Variants in TMEM178B observed in about 807,000 individuals in gnomAD.
TMEM178B encodes transmembrane protein 178B.
TMEM178B carries 5 observed loss-of-function variants against 31.0 expected under a neutral mutation model. The observed-to-expected ratio is 0.16, with a 90% CI of 0.08 to 0.34. The LOEUF is 0.34. Ranked by LOEUF, TMEM178B falls within the 10% of genes least tolerant of loss-of-function variation. TMEM178B has a pLI of 1.00. For missense variants in TMEM178B, 275 were observed against 400.3 expected (o/e 0.69, Z 2.67); for synonymous variants, 164 against 164.0 (o/e 1.00, Z 0.00).
In TMEM178B at chr7:141,215,337, A is replaced by ATTATTTTTTTT. The variant is rs55726735; in HGVS notation, c.496+2635_496+2636insATTTTTTTTTT. 1.8e-3 allele frequency among the ~76,000 whole-genome samples: 259 copies of ATTATTTTTTTT among 141,542 alleles called. 2 individuals carry two copies. Among genetic ancestry groups the ATTATTTTTTTT allele is most frequent in the African/African-American group, 5.3e-3 (211 of 39,512 alleles). 92.9% of individuals were successfully genotyped at this position (141,542 alleles called of 152,430 possible). A position where few individuals can be genotyped will look rare whatever the true frequency, so the allele number is the denominator to read the frequency against. On this transcript the variant is annotated intron_variant, in intron 2 of 3. Coordinates refer to ENST00000565468, the MANE Select transcript of TMEM178B (RefSeq NM_001195278.2). Reference sequence around the variant, plus strand: ...CATCTTTATTATTATTATTATTATTATTTTTTGAGATGGAGTCTCACTCTG... The same window carrying ATTATTTTTTTT: ...CATCTTTATTATTATTATTATTATTATTATTTTTTTTTTTTTTGAGATGGAGTCTCACTCTG...
At chr7:141,268,718 T>C (rs1387618835) in intron 2 of TMEM178B, among the ~76,000 whole-genome samples, 1 of 152,228 alleles carries the variant, frequency 6.6e-6, no homozygotes, top group Non-Finnish European at 1.5e-5. Flanking sequence ...TAACAGGAGA[T>C]GGAACCTGGT....
chr7:141,252,425 G>A (rs748831709), intron 2 of TMEM178B, among the ~76,000 whole-genome samples: 19 of 152,168 alleles, frequency 1.2e-4, no homozygotes, highest in Non-Finnish European at 2.8e-4. Context: ...AAACGAGGGA[G>A]GCATGTGAAA....
At position 141,286,868 on chromosome 7, in the gene TMEM178B, G is replaced by A. The variant is rs191279918; in HGVS notation, c.496+74164G>A. Reference sequence around the variant, plus strand: ...CTTTTACAGTTCTGGGACTTTTAATGACATTTATTCAAATTTGAATTACAA... The same window carrying A: ...CTTTTACAGTTCTGGGACTTTTAATAACATTTATTCAAATTTGAATTACAA... On this transcript the variant is annotated intron_variant, in intron 2 of 3. Transcript: ENST00000565468. Among the ~76,000 whole-genome samples the A allele has an allele frequency of 2.0e-5, 3 of 152,296 alleles. No homozygotes were observed. The East Asian group carries it at 5.8e-4, about 29-fold the overall frequency.
intron 2 of TMEM178B, among the ~76,000 whole-genome samples, chr7:141,412,416 G>A (rs1339942937): frequency 6.6e-6 from 1 of 152,168 alleles, no homozygotes; most frequent in African/African-American, 2.4e-5. Flanking sequence ...GGTGATCTGG[G>A]CTTTAGAGTG....
At chr7:141,464,418 A>C (rs1422854005) in intron 3 of TMEM178B, among the ~76,000 whole-genome samples, 1 of 152,116 alleles carries the variant, frequency 6.6e-6, no homozygotes, top group African/African-American at 2.4e-5. Flanking sequence ...GGGACCCACC[A>C]TTCAGGGCTG....
chr7:141,351,151 C>G (rs578076855), intron 2 of TMEM178B, among the ~76,000 whole-genome samples: 1 of 152,368 alleles, frequency 6.6e-6, no homozygotes, highest in South Asian at 2.1e-4. Flanking sequence ...GGAAGAGTGT[C>G]TCACCTATTC....
intron 3 of TMEM178B, among the ~76,000 whole-genome samples, chr7:141,453,648 G>A (rs866729871): frequency 6.6e-6 from 1 of 152,208 alleles, no homozygotes; most frequent in South Asian, 2.1e-4. Flanking sequence ...TCCCTCTGCT[G>A]GGGAGTCAAG....
chr7:141,505,515 C>A, the TMEM178B span, among the ~76,000 whole-genome samples: 1 of 152,208 alleles, frequency 6.6e-6, no homozygotes, highest in Non-Finnish European at 1.5e-5. Flanking sequence ...CTGGGCCTGG[C>A]AAGTCCTGGG....
At chr7:141,420,313 C>A (rs1801180993) in intron 2 of TMEM178B, among the ~76,000 whole-genome samples, 1 of 152,154 alleles carries the variant, frequency 6.6e-6, no homozygotes, top group South Asian at 2.1e-4. Flanking sequence ...TTGCACACAG[C>A]AGCTGCTTGA....
At chr7:141,106,447 A>G (rs934220392) in intron 1 of TMEM178B, among the ~76,000 whole-genome samples, 2 of 152,256 alleles carry the variant, frequency 1.3e-5, no homozygotes, top group Non-Finnish European at 2.9e-5. Context: ...CTTTAAAGAC[A>G]TTTAGGTTTT....
At chr7:141,357,368 C>T (rs1411652675) in intron 2 of TMEM178B, among the ~76,000 whole-genome samples, 1 of 152,182 alleles carries the variant, frequency 6.6e-6, no homozygotes, top group African/African-American at 2.4e-5. Context: ...TGTATGCCCT[C>T]TCTCCCACCT....
intron 2 of TMEM178B, among the ~76,000 whole-genome samples, chr7:141,244,825 C>T (rs1320651994): frequency 6.6e-6 from 1 of 151,938 alleles, no homozygotes; most frequent in Non-Finnish European, 1.5e-5. Context: ...GGAAGAAGAA[C>T]TCAGCAAAGG....
intron 2 of TMEM178B, among the ~76,000 whole-genome samples, chr7:141,378,859 T>C (rs894301474): frequency 6.6e-6 from 1 of 152,214 alleles, no homozygotes; most frequent in African/African-American, 2.4e-5. Context: ...CTGTTGGACA[T>C]CCCTTCCCAC....
chr7:141,380,027 G>A (rs1348836768), intron 2 of TMEM178B, among the ~76,000 whole-genome samples: 1 of 152,184 alleles, frequency 6.6e-6, no homozygotes, highest in Non-Finnish European at 1.5e-5. Flanking sequence ...TCTAGATGTA[G>A]ACTAAGAAGT....
chr7:141,354,627 C>T (rs1464792366), intron 2 of TMEM178B, among the ~76,000 whole-genome samples: 1 of 152,162 alleles, frequency 6.6e-6, no homozygotes, highest in Admixed American at 6.5e-5. Flanking sequence ...CAACCATATT[C>T]CTCTATTATT....
chr7:141,505,596 A>G, the TMEM178B span, among the ~76,000 whole-genome samples: 1 of 152,194 alleles, frequency 6.6e-6, no homozygotes, highest in Non-Finnish European at 1.5e-5. Flanking sequence ...GCCCAGTCCC[A>G]GATAATACTT....
At chr7:141,188,018 A>G (rs1796638691) in intron 1 of TMEM178B, among the ~76,000 whole-genome samples, 1 of 152,156 alleles carries the variant, frequency 6.6e-6, no homozygotes, top group African/African-American at 2.4e-5. Flanking sequence ...GTCCTTGCCC[A>G]TGCCTATGTC....
chr7:141,427,352 C>T (rs1213068704), intron 2 of TMEM178B, among the ~76,000 whole-genome samples: 2 of 152,046 alleles, frequency 1.3e-5, no homozygotes, highest in Admixed American at 1.3e-4. Context: ...ATGGTACTGG[C>T]ATAAAAACAG....
At chr7:141,090,557 CTG>C (rs1018064904) in intron 1 of TMEM178B, among the ~76,000 whole-genome samples, 1 of 152,192 alleles carries the variant, frequency 6.6e-6, no homozygotes, top group African/African-American at 2.4e-5. Flanking sequence ...GGAAAGCAGA[CTG>C]TGCTTTCTGT....
Sources: allele counts gnomAD v4.1 joint callset (sites outside exome capture counted in the v4.1 genomes callset), GRCh38; gene constraint gnomAD v4.1.1; transcripts MANE v1.5; gene names NCBI Gene and HGNC (gene_info 2026-07-23, HGNC 2026-07-21).